EPHA6: variants seen among roughly 807,000 people sequenced by gnomAD.
EPHA6 encodes the protein ephrin type-A receptor 6.
Under a neutral mutation model 112.0 loss-of-function variants are expected in EPHA6, and 50 were observed. That is an observed-to-expected ratio of 0.45 (90% CI 0.36 to 0.56). The LOEUF (loss-of-function observed/expected upper bound fraction) is 0.56. Among genes scored for constraint, EPHA6 ranks in the 20% least tolerant of loss-of-function variants. The pLI is 0.00. For missense variants in EPHA6, 1,280 were observed against 1,417.4 expected (o/e 0.90, Z 1.56); for synonymous variants, 529 against 490.7 (o/e 1.08, Z -1.03).
intron 16 of EPHA6, among the ~76,000 whole-genome samples, chr3:97,744,117 A>T (rs1377248903): frequency 6.6e-6 from 1 of 151,984 alleles, no homozygotes; most frequent in Non-Finnish European, 1.5e-5. Flanking sequence ...TATAATCTAA[A>T]TTAACCATAA....
chr3:97,284,313 AATT>A (rs760556747), intron 5 of EPHA6, among the ~76,000 whole-genome samples: 6 of 152,094 alleles, frequency 3.9e-5, no homozygotes, highest in Non-Finnish European at 7.4e-5. Flanking sequence ...TTCATTTTAA[AATT>A]ATTATCTTTT....
chr3:97,289,340 C>A (rs1451214725), intron 5 of EPHA6, among the ~76,000 whole-genome samples: 1 of 152,084 alleles, frequency 6.6e-6, no homozygotes, highest in Non-Finnish European at 1.5e-5. Flanking sequence ...AATAGTGAGT[C>A]CTTTCCCCAT....
chr3:97,587,279 ACACT>A, intron 11 of EPHA6, among the ~76,000 whole-genome samples: 1 of 152,114 alleles, frequency 6.6e-6, no homozygotes, highest in African/African-American at 2.4e-5. Context: ...CTGAATGCAG[ACACT>A]CTATTCTCAG....
At position 96,987,533 on chromosome 3, in the gene EPHA6, A is replaced by C; in HGVS notation, c.654A>C (p.Thr218=). ...IPWVLGTCKE[T]FNLFYMESDE... ...GGGTCTTGGGGACTTGCAAAGAAAC[A>C]TTTAATCTGTTTTATATGGAATCAG... The change falls in exon 3 of 18, where the codon ACA becomes ACC. Residue 218 remains threonine, a synonymous_variant. Transcript: ENST00000389672. The C allele has an allele frequency of 6.2e-7, 1 of 1,613,926 alleles. No homozygotes were observed.
intron 5 of EPHA6, among the ~76,000 whole-genome samples, chr3:97,295,554 A>ATT (rs201395783): frequency 1.5e-5 from 2 of 137,058 alleles, no homozygotes; most frequent in Non-Finnish European, 1.6e-5. Context: ...AATATTTTGA[A>ATT]TTTTTTTTTT....
chr3:97,233,195 C>A (rs1442226436), intron 4 of EPHA6, among the ~76,000 whole-genome samples: 1 of 151,952 alleles, frequency 6.6e-6, no homozygotes, highest in African/African-American at 2.4e-5. Flanking sequence ...GGTGGAGGGC[C>A]CTCTCCTGCC....
chr3:96,905,004 A>G (rs1346069597), intron 2 of EPHA6, among the ~76,000 whole-genome samples: 1 of 152,152 alleles, frequency 6.6e-6, no homozygotes, highest in East Asian at 1.9e-4. Flanking sequence ...CGTAAATCCA[A>G]CAATGGTAGC....
At chr3:97,004,930 T>C (rs2043818733) in intron 3 of EPHA6, among the ~76,000 whole-genome samples, 1 of 152,096 alleles carries the variant, frequency 6.6e-6, no homozygotes, top group Non-Finnish European at 1.5e-5. Context: ...TGTAGATGTG[T>C]GGTGTTATTT....
chr3:97,681,139 A>C (rs2107682026), intron 14 of EPHA6, among the ~76,000 whole-genome samples: 1 of 152,284 alleles, frequency 6.6e-6, no homozygotes, highest in Admixed American at 6.5e-5. Flanking sequence ...AACTGTTCAA[A>C]CCTGCTAGTA....
At chr3:97,035,653 T>C (rs1397732653) in intron 3 of EPHA6, among the ~76,000 whole-genome samples, 1 of 151,978 alleles carries the variant, frequency 6.6e-6, no homozygotes, top group African/African-American at 2.4e-5. Flanking sequence ...TTCTTTATAT[T>C]TTCAACTTCT....
chr3:97,348,640 A>G (rs541251713), intron 5 of EPHA6, among the ~76,000 whole-genome samples: 3 of 152,262 alleles, frequency 2.0e-5, no homozygotes, highest in African/African-American at 7.2e-5. Flanking sequence ...AATGTAATTA[A>G]TGAAACTACA....
At chr3:97,099,408 G>T (rs1302204680) in intron 3 of EPHA6, among the ~76,000 whole-genome samples, 1 of 151,642 alleles carries the variant, frequency 6.6e-6, no homozygotes, top group Non-Finnish European at 1.5e-5. Context: ...TTTGTCTTTT[G>T]ATATTCACTA....
At chr3:97,177,624 G>T (rs367618217) in intron 3 of EPHA6, among the ~76,000 whole-genome samples, 2 of 151,648 alleles carry the variant, frequency 1.3e-5, no homozygotes, top group South Asian at 2.1e-4. Context: ...TTATATATCT[G>T]TGTGCTCCAG....
chr3:97,672,656 A>G (rs948279420), intron 14 of EPHA6, among the ~76,000 whole-genome samples: 2 of 152,152 alleles, frequency 1.3e-5, no homozygotes, highest in Non-Finnish European at 2.9e-5. Flanking sequence ...AGAAGAAGGA[A>G]AGAAAAAAAG....
intron 3 of EPHA6, among the ~76,000 whole-genome samples, chr3:97,001,757 T>C (rs1312550967): frequency 6.6e-6 from 1 of 151,970 alleles, no homozygotes; most frequent in African/African-American, 2.4e-5. Flanking sequence ...AGTCACTGTA[T>C]ACAAGGACTA....
chr3:97,627,229 T>C (rs2093865288), intron 13 of EPHA6, among the ~76,000 whole-genome samples: 1 of 151,862 alleles, frequency 6.6e-6, no homozygotes, highest in Non-Finnish European at 1.5e-5. Context: ...TTCTGGATCC[T>C]GGAATACAGA....
At chr3:97,676,661 T>C (rs1461081131) in intron 14 of EPHA6, among the ~76,000 whole-genome samples, 5 of 152,128 alleles carry the variant, frequency 3.3e-5, no homozygotes, top group Non-Finnish European at 7.3e-5. Flanking sequence ...TTACTGAAAT[T>C]ATATCCTTGA....
chr3:97,301,839 TG>T (rs66466758), intron 5 of EPHA6, among the ~76,000 whole-genome samples: 4,086 of 152,244 alleles, frequency 0.027, 190 homozygotes, highest in African/African-American at 0.092. Context: ...ATAATGAATC[TG>T]TTTTTTTCTA....
At chr3:97,695,309 C>T (rs1002445184) in intron 14 of EPHA6, among the ~76,000 whole-genome samples, 8 of 152,134 alleles carry the variant, frequency 5.3e-5, no homozygotes, top group African/African-American at 1.9e-4. Context: ...AAGCTGAAAA[C>T]AAGTTAAAGA....
Sources: allele counts gnomAD v4.1 joint callset (sites outside exome capture counted in the v4.1 genomes callset), GRCh38; gene constraint gnomAD v4.1.1; transcripts MANE v1.5; gene names NCBI Gene and HGNC (gene_info 2026-07-23, HGNC 2026-07-21).